Variants in GRK3 observed in about 807,000 individuals in gnomAD.
The protein encoded by GRK3 is G protein-coupled receptor kinase 3, also known as adrenergic, beta, receptor kinase 2.
In GRK3, 54 loss-of-function variants were observed where a neutral mutation model predicts 95.7. The ratio of observed to expected loss-of-function variants is 0.56; its 90% confidence interval spans 0.45 to 0.71. The LOEUF is 0.71. Among genes scored for constraint, GRK3 ranks in the 30% least tolerant of loss-of-function variants. GRK3 has a pLI of 0.00. For missense variants in GRK3, 649 were observed against 851.2 expected (o/e 0.76, Z 2.96); for synonymous variants, 281 against 290.8 (o/e 0.97, Z 0.34).
At chr22:25,567,725 A>AT (rs370769461) in intron 1 of GRK3, among the ~76,000 whole-genome samples, 1 of 152,270 alleles carries the variant, frequency 6.6e-6, no homozygotes, top group South Asian at 2.1e-4. Flanking sequence ...ATCACTAGTG[A>AT]TTTTTTTATT....
At chr22:25,681,153 G>A (rs1007938648) in intron 9 of GRK3, among the ~76,000 whole-genome samples, 25 of 152,136 alleles carry the variant, frequency 1.6e-4, no homozygotes, top group Non-Finnish European at 2.8e-4. Flanking sequence ...CCTCAGAAGC[G>A]TGACTCATTT....
intron 1 of GRK3, 61 bp from the exon 2 acceptor site, chr22:25,604,316 T>A: frequency 1.6e-6 from 2 of 1,231,352 alleles, no homozygotes; most frequent in South Asian, 2.7e-5. Flanking sequence ...TCTTCCATCC[T>A]GGGGATGGTT....
At chr22:25,700,196 G>A (rs1384385609) in intron 13 of GRK3, among the ~76,000 whole-genome samples, 1 of 152,220 alleles carries the variant, frequency 6.6e-6, no homozygotes, top group Admixed American at 6.5e-5. Flanking sequence ...GTGATTGACT[G>A]AGCCGCTCAT....
chr22:25,581,442 A>G (rs1569152112), intron 1 of GRK3: 1 of 152,254 alleles, frequency 6.6e-6, no homozygotes, highest in Non-Finnish European at 1.5e-5. Flanking sequence ...AGTGTACTGC[A>G]TCTCAAACAA....
chr22:25,636,264 T>C (rs2084700804), intron 2 of GRK3, among the ~76,000 whole-genome samples: 1 of 152,320 alleles, frequency 6.6e-6, no homozygotes, highest in East Asian at 1.9e-4. Context: ...TTGCTGCCGG[T>C]GTGTCATTGC....
At chr22:25,701,201 C>G (rs1034468456) in intron 13 of GRK3, among the ~76,000 whole-genome samples, 1 of 152,218 alleles carries the variant, frequency 6.6e-6, no homozygotes, top group Admixed American at 6.5e-5. Context: ...AGGCCTGTTA[C>G]TGTCTCCTAT....
Position 25,574,682 on chromosome 22 carries a change from C to T in GRK3, c.113+9529C>T, listed in dbSNP as rs770015747. On this transcript the variant is annotated intron_variant, in intron 1 of 20. Coordinates refer to ENST00000324198, the MANE Select transcript of GRK3 (RefSeq NM_005160.4). Reference sequence around the variant, plus strand: ...GGTCTATTCTCTATTTAAAATGGAACGAATCCTAATGGCTAAGTAAGATCA... The same window carrying T: ...GGTCTATTCTCTATTTAAAATGGAATGAATCCTAATGGCTAAGTAAGATCA... Among the ~76,000 whole-genome samples, 14 of 152,116 alleles carry T rather than the reference C, an allele frequency of 9.2e-5. No homozygotes were observed. In the East Asian group the frequency reaches 9.6e-4, roughly 10 times the overall value.
intron 1 of GRK3, among the ~76,000 whole-genome samples, chr22:25,603,214 C>A (rs555355349): frequency 6.6e-6 from 1 of 152,062 alleles, no homozygotes; most frequent in African/African-American, 2.4e-5. Context: ...ACCTCGCCTA[C>A]CTAACAATAT....
At chr22:25,694,576 C>T (rs1312407552) in intron 12 of GRK3, among the ~76,000 whole-genome samples, 1 of 152,220 alleles carries the variant, frequency 6.6e-6, no homozygotes, top group Non-Finnish European at 1.5e-5. Flanking sequence ...CAACTGGGCT[C>T]ATGTTCCTCC....
In GRK3 at chr22:25,719,416, C is replaced by T. The variant is rs189496914; in HGVS notation, c.1791+1035C>T. ...TCAAATAAAATGTCCCAGGCCATGA[C>T]ACTTGGCACAGAGATGAGGTCACCA... On this transcript the variant is annotated intron_variant, in intron 19 of 20. Transcript: ENST00000324198. 2.0e-3 allele frequency among the ~76,000 whole-genome samples: 302 copies of T among 152,280 alleles called. 2 individuals are homozygous for T. The highest frequency in any genetic ancestry group is 3.7e-3 in the Non-Finnish European group (249 of 68,014).
At chr22:25,660,620 G>T (rs980028119) in intron 3 of GRK3, among the ~76,000 whole-genome samples, 1 of 152,088 alleles carries the variant, frequency 6.6e-6, no homozygotes, top group African/African-American at 2.4e-5. Context: ...GGATTTGCTG[G>T]TTTTGATTTC....
intron 8 of GRK3, among the ~76,000 whole-genome samples, chr22:25,677,238 G>A (rs1467443186): frequency 1.3e-5 from 2 of 151,652 alleles, no homozygotes; most frequent in East Asian, 3.9e-4. Flanking sequence ...GGTGACAGGT[G>A]CCTGTAGTCC....
chr22:25,626,533 T>C (rs987577345), intron 2 of GRK3, among the ~76,000 whole-genome samples: 2 of 152,214 alleles, frequency 1.3e-5, no homozygotes, highest in African/African-American at 4.8e-5. Flanking sequence ...CTTTAAAACA[T>C]TCAGAGTGAA....
At chr22:25,688,015 T>C (rs1487349865) in intron 11 of GRK3, among the ~76,000 whole-genome samples, 1 of 152,060 alleles carries the variant, frequency 6.6e-6, no homozygotes, top group Non-Finnish European at 1.5e-5. Context: ...GGAGGGCGGA[T>C]CACAAGGTCA....
intron 2 of GRK3, among the ~76,000 whole-genome samples, chr22:25,611,154 G>T (rs2084494347): frequency 6.6e-6 from 1 of 152,156 alleles, no homozygotes; most frequent in South Asian, 2.1e-4. Flanking sequence ...GAGCCACGGT[G>T]TCCGGCCTAC....
rs555570532 is a variant in GRK3, at chr22:25,727,864, A to G, written c.*5414A>G. ...TTATATTAAATGATGTATATATTAT[A>G]TGTGGTTTATAAGCTCAACACTGGC... is the stretch of plus-strand genomic sequence containing the variant. On this transcript the variant is annotated 3_prime_UTR_variant, in exon 21 of 21. Transcript: ENST00000324198. 33 of 152,256 alleles carry G rather than the reference A, an allele frequency of 2.2e-4. No individual in the cohort carries two copies. Among genetic ancestry groups the G allele is most frequent in the African/African-American group, 7.9e-4 (33 of 41,546 alleles). The allele number at this position is 152,256 out of a possible 1,614,324, so 9.4% of individuals were successfully genotyped here. A position where few individuals can be genotyped will look rare whatever the true frequency, so the allele number is the denominator to read the frequency against.
chr22:25,647,856 A>T, intron 3 of GRK3: 1 of 713,188 alleles, frequency 1.4e-6, no homozygotes, highest in South Asian at 1.4e-5. Flanking sequence ...CATGCCTGTA[A>T]TCCCAGCACT....
chr22:25,711,669 A>T (rs1305196764), intron 17 of GRK3, among the ~76,000 whole-genome samples: 1 of 151,974 alleles, frequency 6.6e-6, no homozygotes. Flanking sequence ...TAGAGACAAG[A>T]CATAATTAGA....
chr22:25,587,807 G>A (rs5760979), intron 1 of GRK3, among the ~76,000 whole-genome samples: 6,374 of 137,930 alleles, frequency 0.046, 23 homozygotes, highest in African/African-American at 0.071. Flanking sequence ...AACCCGTTTC[G>A]CTTGGTTCTC....
Sources: gnomAD v4.1 joint callset for allele counts (sites outside exome capture counted in the v4.1 genomes callset) on GRCh38, gnomAD v4.1.1 for gene constraint, MANE v1.5 for transcripts, NCBI Gene and HGNC (gene_info 2026-07-23, HGNC 2026-07-21) for gene names.